The following HS3ST4 variants were observed in gnomAD, a reference collection of about 807,000 sequenced individuals.
HS3ST4 encodes heparan sulfate-glucosamine 3-sulfotransferase 4.
Under a neutral mutation model 29.2 loss-of-function variants are expected in HS3ST4, and 17 were observed. That is an observed-to-expected ratio of 0.58 (90% confidence interval 0.40 to 0.87). HS3ST4 has a LOEUF of 0.87. Among genes scored for constraint, HS3ST4 ranks in the 40% least tolerant of loss-of-function variants. HS3ST4 has a pLI of 0.00. For missense variants in HS3ST4, 627 were observed against 634.5 expected, an observed-to-expected ratio of 0.99 and a Z score of 0.13; for synonymous variants, 314 against 285.7, an observed-to-expected ratio of 1.10 and a Z score of -1.00.
chr16:25,815,781 C>G (rs1967087469), intron 1 of HS3ST4, among the ~76,000 whole-genome samples: 1 of 152,148 alleles, frequency 6.6e-6, no homozygotes, highest in African/African-American at 2.4e-5. Context: ...TCTACATCTT[C>G]CTTAACTCAC....
chr16:25,953,249 A>G (rs1968698871), intron 1 of HS3ST4, among the ~76,000 whole-genome samples: 1 of 152,160 alleles, frequency 6.6e-6, no homozygotes, highest in South Asian at 2.1e-4. Context: ...CTGCCAGGGA[A>G]GATCTTTGTG....
chr16:25,830,036 G>T (rs1001523879), intron 1 of HS3ST4, among the ~76,000 whole-genome samples: 1 of 152,134 alleles, frequency 6.6e-6, no homozygotes, highest in East Asian at 1.9e-4. Context: ...TGTTGCCCAG[G>T]CTGGTGTCGA....
intron 1 of HS3ST4, among the ~76,000 whole-genome samples, chr16:25,744,135 G>C (rs1183716731): frequency 6.6e-6 from 1 of 152,174 alleles, no homozygotes; most frequent in Non-Finnish European, 1.5e-5. Context: ...TGTCTTCTCT[G>C]TTCCTTATCG....
chr16:25,828,489 C>T (rs940378410), intron 1 of HS3ST4, among the ~76,000 whole-genome samples: 13 of 151,490 alleles, frequency 8.6e-5, no homozygotes, highest in African/African-American at 2.7e-4. Context: ...TACAGGCACC[C>T]GCCACCACAG....
intron 1 of HS3ST4, among the ~76,000 whole-genome samples, chr16:25,899,289 G>C (rs1390107625): frequency 6.6e-6 from 1 of 152,140 alleles, no homozygotes; most frequent in Non-Finnish European, 1.5e-5. Context: ...ATATCAGTTG[G>C]TGCTGTATAC....
chr16:26,095,393 G>A (rs1001794850), intron 1 of HS3ST4, among the ~76,000 whole-genome samples: 1 of 152,180 alleles, frequency 6.6e-6, no homozygotes, highest in African/African-American at 2.4e-5. Flanking sequence ...AAATGTAAAA[G>A]AACAGAAATC....
At chr16:25,908,058 A>G (rs1968196912) in intron 1 of HS3ST4, among the ~76,000 whole-genome samples, 1 of 152,132 alleles carries the variant, frequency 6.6e-6, no homozygotes, top group Non-Finnish European at 1.5e-5. Flanking sequence ...GTGATAGAAG[A>G]GGGGAGGGGG....
intron 1 of HS3ST4, among the ~76,000 whole-genome samples, chr16:25,922,034 C>T (rs758114844): frequency 7.2e-5 from 11 of 152,278 alleles, no homozygotes; most frequent in East Asian, 1.9e-4. Context: ...CAATTACAGG[C>T]GTGAGCCATG....
intron 1 of HS3ST4, among the ~76,000 whole-genome samples, chr16:25,742,742 A>G (rs902323525): frequency 6.6e-5 from 10 of 152,192 alleles, no homozygotes; most frequent in African/African-American, 1.2e-4. Context: ...CATGCAGTGC[A>G]TGGTTCATGG....
chr16:25,760,860 C>CTAG (rs1468175917), intron 1 of HS3ST4, among the ~76,000 whole-genome samples: 14 of 152,158 alleles, frequency 9.2e-5, no homozygotes, highest in African/African-American at 7.2e-5. Context: ...TAACAGTGAC[C>CTAG]TCTAGAAGAG....
At chr16:26,110,434 C>T (rs560050153) in intron 1 of HS3ST4, among the ~76,000 whole-genome samples, 4 of 152,176 alleles carry the variant, frequency 2.6e-5, no homozygotes, top group South Asian at 2.1e-4. Flanking sequence ...CTACACCATG[C>T]CCAAGTCTTC....
intron 1 of HS3ST4, among the ~76,000 whole-genome samples, chr16:25,895,404 G>C (rs1170464360): frequency 6.6e-6 from 1 of 152,194 alleles, no homozygotes; most frequent in African/African-American, 2.4e-5. Context: ...GATGTGATCA[G>C]AGTTGTTTTA....
intron 1 of HS3ST4, among the ~76,000 whole-genome samples, chr16:25,997,491 A>G (rs1969167815): frequency 1.3e-5 from 2 of 152,196 alleles, no homozygotes; most frequent in South Asian, 4.1e-4. Context: ...TGACTTCAGG[A>G]AAGACTGAAC....
chr16:25,814,402 A>G lies in HS3ST4; in HGVS notation c.734+121251A>G, dbSNP rs543492764. On this transcript the variant is annotated intron_variant, in intron 1 of 1. Transcript: ENST00000331351. ...CACTCTGTCACCCAGGCTGGAGTGC[A>G]GTGGCGCAATATCAGCTCACTGCAA... Among the ~76,000 whole-genome samples, 143 of 152,144 alleles carry G rather than the reference A, an allele frequency of 9.4e-4. 1 individual carries two copies. Among genetic ancestry groups the G allele is most frequent in the African/African-American group, 3.3e-3 (138 of 41,486 alleles).
At chr16:25,746,843 G>A (rs143436580) in intron 1 of HS3ST4, among the ~76,000 whole-genome samples, 145 of 151,482 alleles carry the variant, frequency 9.6e-4, no homozygotes, top group African/African-American at 3.1e-3. Context: ...GAGCCACTGC[G>A]CCCAGCCCAC....
intron 1 of HS3ST4, among the ~76,000 whole-genome samples, chr16:26,124,598 A>G (rs1899317913): frequency 6.6e-6 from 1 of 152,286 alleles, no homozygotes; most frequent in Non-Finnish European, 1.5e-5. Flanking sequence ...ATAGACTTCT[A>G]TGTTCTCATG....
At chr16:26,077,790 G>A (rs1898679830) in intron 1 of HS3ST4, among the ~76,000 whole-genome samples, 1 of 152,262 alleles carries the variant, frequency 6.6e-6, no homozygotes, top group Admixed American at 6.5e-5. Flanking sequence ...GAACCGTGTG[G>A]TTGGGCACAG....
At chr16:26,067,044 T>C (rs117604094) in intron 1 of HS3ST4, among the ~76,000 whole-genome samples, 17 of 152,132 alleles carry the variant, frequency 1.1e-4, no homozygotes, top group Non-Finnish European at 2.1e-4. Context: ...TGTAAGTGCA[T>C]GGGAATTTGA....
At chr16:25,889,217 T>C (rs1296399553) in intron 1 of HS3ST4, among the ~76,000 whole-genome samples, 1 of 152,182 alleles carries the variant, frequency 6.6e-6, no homozygotes, top group Admixed American at 6.5e-5. Flanking sequence ...ATTAGCTGGA[T>C]TACAACTGAA....
Sources: allele counts gnomAD v4.1 joint callset (sites outside exome capture counted in the v4.1 genomes callset), GRCh38; gene constraint gnomAD v4.1.1; transcripts MANE v1.5; gene names NCBI Gene and HGNC (gene_info 2026-07-23, HGNC 2026-07-21).